The following PCDHGB4 variants were observed in gnomAD, a reference collection of about 807,000 sequenced individuals.
The protein encoded by PCDHGB4 is protocadherin gamma subfamily B, 4.
A neutral mutation model predicts 60.5 loss-of-function variants in PCDHGB4; 38 were observed. That is an observed-to-expected ratio of 0.63 (90% CI 0.48 to 0.82). The LOEUF is 0.82. PCDHGB4 is among the 40% of genes least tolerant of loss of function. The pLI is 0.00. For missense variants in PCDHGB4, 1,109 were observed against 1,209.6 expected, an observed-to-expected ratio of 0.92 and a Z score of 1.23; for synonymous variants, 456 against 509.7, an observed-to-expected ratio of 0.89 and a Z score of 1.42.
At position 141,432,370 on chromosome 5, in the gene PCDHGB4, C is replaced by A. The variant is rs1362496624; in HGVS notation, c.2397+42089C>A. On this transcript the variant is annotated intron_variant, in intron 1 of 3. Transcript: ENST00000519479. The surrounding 1 kb of genome is among the most constrained non-coding windows in gnomAD (Gnocchi z 6.0). Reference sequence around the variant, plus strand: ...AAGTGAAAGTGATGGCGCGGGACAACGGGCACCCGCCCCTCAGCAGCAACG... The same window carrying A: ...AAGTGAAAGTGATGGCGCGGGACAAAGGGCACCCGCCCCTCAGCAGCAACG... The A allele has an allele frequency of 6.2e-7, 1 of 1,614,240 alleles. No homozygotes were observed. The highest frequency in any genetic ancestry group is 8.5e-7 in the Non-Finnish European group (1 of 1,180,048).
chr5:141,405,815 T>C (rs755764286), intron 1 of PCDHGB4, among the ~76,000 whole-genome samples: 14 of 103,812 alleles, frequency 1.3e-4, no homozygotes, highest in Non-Finnish European at 2.3e-4. Flanking sequence ...TCTTTAACTG[T>C]CTGTACTTAA....
chr5:141,424,365 T>A (rs933291305), intron 1 of PCDHGB4: 7 of 152,246 alleles, frequency 4.6e-5, no homozygotes, highest in African/African-American at 1.7e-4. Context: ...TAGATCACAT[T>A]TTTTCTTAAG....
chr5:141,443,317 CA>C (rs35054295), intron 1 of PCDHGB4, among the ~76,000 whole-genome samples: 28 of 142,048 alleles, frequency 2.0e-4, no homozygotes, highest in Non-Finnish European at 2.6e-4. Flanking sequence ...CCCATCTCTA[CA>C]AAAAAAAAAA....
At position 141,477,493 on chromosome 5, in the gene PCDHGB4, A is replaced by G. The variant is rs2154575835; in HGVS notation, c.2398-17314A>G. ...ATGACAACCCTCCACAATCTTCTCA[A>G]TCTTCCTACGACGTTTACATTGAAG... On this transcript the variant is annotated intron_variant, in intron 1 of 3. Transcript: ENST00000519479. This position sits in a 1 kb window ranked among gnomAD's most constrained non-coding sequence, Gnocchi z 4.9. 6.2e-7 allele frequency: 1 copy of G among 1,613,976 alleles called. No individual in the cohort carries two copies. The highest frequency in any genetic ancestry group is 1.6e-4 in the Middle Eastern group (1 of 6,062).
At position 141,423,009 on chromosome 5, in the gene PCDHGB4, G is replaced by A. The variant is rs371209178; in HGVS notation, c.2397+32728G>A. 28 of 1,614,222 alleles carry A rather than the reference G, an allele frequency of 1.7e-5. No individual in the cohort carries two copies. The East Asian group carries it at 4.9e-4, about 28-fold the overall frequency. On this transcript the variant is annotated intron_variant, in intron 1 of 3. Transcript: ENST00000519479. ...GCTACCTGGTGACCAAGGTGGTTGC[G>A]GTGGACAAAGATTCAGGCCAGAACG...
chr5:141,489,864 T>G lies in PCDHGB4; in HGVS notation c.2398-4943T>G, dbSNP rs1274301673. ...TGGATCGTGAAGCCCAGGCAAGACA[T>G]CAGCTGGTGCTTACTGCTGTGGATG... On this transcript the variant is annotated intron_variant, in intron 1 of 3. Coordinates refer to ENST00000519479, the MANE Select transcript of PCDHGB4 (RefSeq NM_003736.4). This position sits in a 1 kb window ranked among gnomAD's most constrained non-coding sequence, Gnocchi z 4.5. 5 of 1,614,064 alleles carry G rather than the reference T, an allele frequency of 3.1e-6. No individual in the cohort carries two copies. The highest frequency in any genetic ancestry group is 3.4e-6 in the Non-Finnish European group (4 of 1,180,022).
rs1423149 is a variant in PCDHGB4, at chr5:141,487,780, C to G, written c.2398-7027C>G. ...TAGACGCTGTGCTTTGTAACTGTTTCGTGAATTAACCAGAGTTGTCACAGT... is the reference window on the plus strand; with the variant it reads ...TAGACGCTGTGCTTTGTAACTGTTTGGTGAATTAACCAGAGTTGTCACAGT... On this transcript the variant is annotated intron_variant, in intron 1 of 3. Transcript: ENST00000519479. This position sits in a 1 kb window ranked among gnomAD's most constrained non-coding sequence, Gnocchi z 5.0. 6.6e-7 allele frequency: 1 copy of G among 1,526,704 alleles called. No individual in the cohort carries two copies. The allele number at this position is 1,526,704 out of a possible 1,614,324, so 94.6% of individuals were successfully genotyped here. A position where few individuals can be genotyped will look rare whatever the true frequency, so the allele number is the denominator to read the frequency against.
At chr5:141,506,969 A>G (rs923725359) in intron 3 of PCDHGB4, 7 of 152,208 alleles carry the variant, frequency 4.6e-5, no homozygotes, top group Non-Finnish European at 8.8e-5. Flanking sequence ...ATAGCTCTGC[A>G]AGGCAGGTCT....
intron 1 of PCDHGB4, 31 bp downstream of exon 1, chr5:141,390,312 C>A: frequency 1.2e-6 from 2 of 1,612,028 alleles, no homozygotes; most frequent in South Asian, 2.2e-5. Flanking sequence ...ATTTAATGCT[C>A]ATTGCCTACC....
At chr5:141,410,544 G>A (rs1370251538) in intron 1 of PCDHGB4, 3 of 1,613,640 alleles carry the variant, frequency 1.9e-6, no homozygotes, top group Non-Finnish European at 2.5e-6. Flanking sequence ...GACATGGTTT[G>A]CAGTGTTTCT....
chr5:141,414,647 T>C (rs1369045439), intron 1 of PCDHGB4: 3 of 1,613,926 alleles, frequency 1.9e-6, no homozygotes, highest in South Asian at 2.2e-5. Flanking sequence ...AATGCCCAGA[T>C]TATTTACTCC....
chr5:141,465,440 A>T (rs1478987071), intron 1 of PCDHGB4, among the ~76,000 whole-genome samples: 1 of 152,194 alleles, frequency 6.6e-6, no homozygotes, highest in Non-Finnish European at 1.5e-5. Flanking sequence ...CTTAATGATT[A>T]CCCAAGAAAA....
At chr5:141,421,281 C>T in intron 1 of PCDHGB4, 2 of 1,612,970 alleles carry the variant, frequency 1.2e-6, no homozygotes, top group South Asian at 2.2e-5. Flanking sequence ...TGCTGCTGTG[C>T]ATTTTCCTGG....
At chr5:141,419,656 G>A (rs1374057056) in intron 1 of PCDHGB4, 15 of 1,612,528 alleles carry the variant, frequency 9.3e-6, no homozygotes, top group Non-Finnish European at 8.5e-6. Context: ...CGGACTCGGG[G>A]CACAATGCCT....
At chr5:141,510,580 G>A (rs947369646) in intron 3 of PCDHGB4, among the ~76,000 whole-genome samples, 7 of 152,248 alleles carry the variant, frequency 4.6e-5, no homozygotes, top group South Asian at 2.1e-4. Flanking sequence ...ACTATTTTAC[G>A]TACCTGACAT....
rs768990626 is a variant in PCDHGB4, at chr5:141,427,590, C to T, written c.2397+37309C>T. On this transcript the variant is annotated intron_variant, in intron 1 of 3. Coordinates refer to ENST00000519479, the MANE Select transcript of PCDHGB4 (RefSeq NM_003736.4). ...GCCTCCGCTCTCATCCAGCACAAGCCTCACCCTACGCATTGGTGAAGTCAA... is the reference window on the plus strand; with the variant it reads ...GCCTCCGCTCTCATCCAGCACAAGCTTCACCCTACGCATTGGTGAAGTCAA... 44 of 678,892 alleles carry T rather than the reference C, an allele frequency of 6.5e-5. No individual in the cohort carries two copies. In the Admixed American group the frequency reaches 8.5e-4, roughly 13 times the overall value. The allele number at this position is 678,892 out of a possible 1,614,324, so 42.1% of individuals were successfully genotyped here.
Position 141,404,160 on chromosome 5 carries a change from G to A in PCDHGB4, c.2397+13879G>A, listed in dbSNP as rs1308529085. On this transcript the variant is annotated intron_variant, in intron 1 of 3. Coordinates refer to ENST00000519479, the MANE Select transcript of PCDHGB4 (RefSeq NM_003736.4). The stretch of plus-strand genomic sequence containing the variant: ...GAAAATTCAGAAGAAGATTATTACA[G>A]ATTGTTGACGGCCCAAATTCTTGAC... The A allele has an allele frequency of 3.1e-6, 5 of 1,613,054 alleles. No homozygotes were observed. In the Admixed American group the frequency reaches 6.7e-5, roughly 22 times the overall value.
rs771124496 is a variant in PCDHGB4, at chr5:141,489,457, C to A, written c.2398-5350C>A. The A allele has an allele frequency of 6.2e-7, 1 of 1,613,882 alleles. No homozygotes were observed. The highest frequency in any genetic ancestry group is 8.5e-7 in the Non-Finnish European group (1 of 1,179,984). ...GCAATTGGGCTCTGAGGAGAATGGG[C>A]GCTATTTTTCCCTGAGCTTGATGAG... On this transcript the variant is annotated intron_variant, in intron 1 of 3. Coordinates refer to ENST00000519479, the MANE Select transcript of PCDHGB4 (RefSeq NM_003736.4). This position sits in a 1 kb window ranked among gnomAD's most constrained non-coding sequence, Gnocchi z 4.5.
At chr5:141,444,813 T>A (rs1382814369) in intron 1 of PCDHGB4, among the ~76,000 whole-genome samples, 3 of 152,228 alleles carry the variant, frequency 2.0e-5, no homozygotes, top group African/African-American at 4.8e-5. Flanking sequence ...AATAGCACAC[T>A]GTCTCAATTA....
Sources: allele counts gnomAD v4.1 joint callset (sites outside exome capture counted in the v4.1 genomes callset), GRCh38; gene constraint gnomAD v4.1.1; non-coding constraint Gnocchi (gnomAD v3.1); transcripts MANE v1.5; gene names NCBI Gene and HGNC (gene_info 2026-07-23, HGNC 2026-07-21).